The following GRIP1 variants were observed in gnomAD, a reference collection of about 807,000 sequenced individuals.
The protein encoded by GRIP1 is glutamate receptor interacting protein 1, also known as glutamate receptor-interacting protein 1.
Under a neutral mutation model 129.9 loss-of-function variants are expected in GRIP1, and 45 were observed. That is an observed-to-expected ratio of 0.35 (90% CI 0.27 to 0.44). The LOEUF is 0.44. Ranked by LOEUF, GRIP1 falls within the 20% of genes least tolerant of loss-of-function variation. GRIP1 has a pLI of 1.00. For synonymous variants in GRIP1, 530 were observed against 520.8 expected (o/e 1.02, Z -0.24); for missense variants, 1,196 against 1,396.8 (o/e 0.86, Z 2.29).
At chr12:66,591,923 C>T (rs1044908511) in intron 2 of GRIP1, among the ~76,000 whole-genome samples, 7 of 152,074 alleles carry the variant, frequency 4.6e-5, no homozygotes, top group South Asian at 4.1e-4. Flanking sequence ...CTGTTTCTGG[C>T]GTCACTCATT....
chr12:66,614,642 A>C (rs2064960302), intron 1 of GRIP1, among the ~76,000 whole-genome samples: 1 of 152,136 alleles, frequency 6.6e-6, no homozygotes, highest in South Asian at 2.1e-4. Context: ...AAATTAAAGA[A>C]AATCACAGTA....
At chr12:66,543,736 T>C (rs965579345) in intron 2 of GRIP1, among the ~76,000 whole-genome samples, 2 of 152,196 alleles carry the variant, frequency 1.3e-5, no homozygotes, top group Admixed American at 6.5e-5. Context: ...TAAAGAGATA[T>C]AATGTGCCCA....
chr12:66,361,598 T>C (rs551763529), intron 23 of GRIP1, among the ~76,000 whole-genome samples: 9 of 152,314 alleles, frequency 5.9e-5, no homozygotes, highest in African/African-American at 2.2e-4. Context: ...GCTAGTCCCC[T>C]AGTTATTGCC....
intron 1 of GRIP1, among the ~76,000 whole-genome samples, chr12:66,940,476 C>T (rs1002556170): frequency 6.6e-6 from 1 of 152,128 alleles, no homozygotes; most frequent in Admixed American, 6.5e-5. Flanking sequence ...TACCAATCAG[C>T]ACCTTGTAGA....
chr12:66,769,253 T>G (rs2037741681), intron 1 of GRIP1, among the ~76,000 whole-genome samples: 1 of 151,822 alleles, frequency 6.6e-6, no homozygotes, highest in Non-Finnish European at 1.5e-5. Context: ...ACTTTAGCCT[T>G]TCTGAAAGTG....
chr12:66,722,976 C>G (rs2036105878), intron 1 of GRIP1, among the ~76,000 whole-genome samples: 1 of 151,766 alleles, frequency 6.6e-6, no homozygotes, highest in Non-Finnish European at 1.5e-5. Context: ...GCCCTTTCAT[C>G]AAATCAATAA....
At chr12:66,562,138 G>C (rs187793563) in intron 2 of GRIP1, among the ~76,000 whole-genome samples, 5 of 152,034 alleles carry the variant, frequency 3.3e-5, no homozygotes, top group Non-Finnish European at 7.4e-5. Context: ...AGAATACGCT[G>C]TCAATCAAAT....
intron 7 of GRIP1, among the ~76,000 whole-genome samples, chr12:66,476,170 A>G (rs1029588914): frequency 3.3e-5 from 5 of 152,194 alleles, no homozygotes; most frequent in Non-Finnish European, 7.3e-5. Flanking sequence ...GCAATAAAAA[A>G]TGATAAAGGG....
At chr12:67,029,578 C>CAAAAAA (rs10563216) in intron 1 of GRIP1, among the ~76,000 whole-genome samples, 1 of 88,482 alleles carries the variant, frequency 1.1e-5, no homozygotes, top group African/African-American at 3.8e-5. Context: ...GACCCTGACT[C>CAAAAAA]AAAAAAAAAA....
chr12:66,453,181 A>G (rs950195004), intron 11 of GRIP1, among the ~76,000 whole-genome samples: 1 of 152,224 alleles, frequency 6.6e-6, no homozygotes, highest in Non-Finnish European at 1.5e-5. Flanking sequence ...TTCCTACTAC[A>G]AAATTTAAGA....
chr12:66,393,794 G>A (rs1467114652), intron 17 of GRIP1, among the ~76,000 whole-genome samples: 4 of 152,128 alleles, frequency 2.6e-5, no homozygotes, highest in Non-Finnish European at 4.4e-5. Context: ...GATGATGTCT[G>A]TATCATCCTT....
At chr12:66,606,554 C>T (rs1493486) in intron 1 of GRIP1, among the ~76,000 whole-genome samples, 51,182 of 151,882 alleles carry the variant, frequency 0.34, 8,912 homozygotes, top group Non-Finnish European at 0.37. Flanking sequence ...CATGAGATGC[C>T]AACATGAGTC....
chr12:66,998,703 A>G (rs2042505785), intron 1 of GRIP1, among the ~76,000 whole-genome samples: 1 of 152,146 alleles, frequency 6.6e-6, no homozygotes, highest in Non-Finnish European at 1.5e-5. Flanking sequence ...GATCAGGCCC[A>G]TATTCTGTCT....
chr12:66,549,034 T>A (rs907890602), intron 2 of GRIP1, among the ~76,000 whole-genome samples: 2 of 152,212 alleles, frequency 1.3e-5, no homozygotes, highest in Non-Finnish European at 2.9e-5. Context: ...CAGAGATTTT[T>A]AAAAATACTA....
At chr12:66,697,847 T>C (rs1483618138) in intron 1 of GRIP1, among the ~76,000 whole-genome samples, 1 of 152,164 alleles carries the variant, frequency 6.6e-6, no homozygotes, top group Non-Finnish European at 1.5e-5. Context: ...GTCTATATAT[T>C]AGACAAATGG....
Position 66,518,142 on chromosome 12 carries a change from A to G in GRIP1, c.503-166T>C, listed in dbSNP as rs539588355. ...GCCTTAAAGGTCTTGCTCATTTTAT[A>G]TAGAATATATTTTTGAAGTCACCAT... On this transcript the variant is annotated intron_variant, in intron 5 of 24. Coordinates refer to ENST00000359742, the MANE Select transcript of GRIP1 (RefSeq NM_001366722.1). Among the ~76,000 whole-genome samples, 281 of 152,326 alleles carry G rather than the reference A, an allele frequency of 1.8e-3. 1 individual carries two copies. Among genetic ancestry groups the G allele is most frequent in the African/African-American group, 6.3e-3 (263 of 41,592 alleles).
At chr12:66,827,364 G>GTA (rs2039432020) in intron 1 of GRIP1, among the ~76,000 whole-genome samples, 1 of 82,484 alleles carries the variant, frequency 1.2e-5, no homozygotes, top group Non-Finnish European at 2.6e-5. Flanking sequence ...TCAAAACCAG[G>GTA]TGTGTGTGTG....
At chr12:66,846,561 T>C (rs1395013065) in intron 1 of GRIP1, among the ~76,000 whole-genome samples, 2 of 152,204 alleles carry the variant, frequency 1.3e-5, no homozygotes, top group East Asian at 1.9e-4. Flanking sequence ...GATCAGGAGA[T>C]GACTAACACC....
At chr12:66,477,662 T>C (rs1402813082) in intron 7 of GRIP1, among the ~76,000 whole-genome samples, 1 of 152,186 alleles carries the variant, frequency 6.6e-6, no homozygotes, top group Non-Finnish European at 1.5e-5. Flanking sequence ...AACAGCATGG[T>C]ACTGGTACCA....
Sources: allele counts gnomAD v4.1 joint callset (sites outside exome capture counted in the v4.1 genomes callset), GRCh38; gene constraint gnomAD v4.1.1; transcripts MANE v1.5; gene names NCBI Gene and HGNC (gene_info 2026-07-23, HGNC 2026-07-21).